The following SIRPB2 variants were observed in gnomAD, a reference collection of about 807,000 sequenced individuals.
The protein encoded by SIRPB2 is signal-regulatory protein beta-2.
SIRPB2 carries 18 observed loss-of-function variants against 27.1 expected under a neutral mutation model. The ratio of observed to expected loss-of-function variants is 0.66; its 90% CI spans 0.46 to 0.98. The LOEUF is 0.98. Among genes scored for constraint, SIRPB2 ranks in the 50% least tolerant of loss-of-function variants. The pLI, the probability that SIRPB2 is intolerant of heterozygous loss-of-function variation, is 0.00. For missense variants in SIRPB2, 420 were observed against 417.4 expected (o/e 1.01, Z -0.06); for synonymous variants, 150 against 164.6 (o/e 0.91, Z 0.68).
chr20:1,476,415 A>G, intron 4 of SIRPB2, 79 bp from the exon 5 acceptor site: 2 of 1,399,166 alleles, frequency 1.4e-6, no homozygotes, highest in South Asian at 1.4e-5. Context: ...GCCCATGGGC[A>G]AGGTCACATC....
chr20:1,471,648 G>A (rs900965672), downstream of SIRPB2, among the ~76,000 whole-genome samples: 2 of 152,194 alleles, frequency 1.3e-5, no homozygotes, highest in South Asian at 2.1e-4. Flanking sequence ...GGTGTGTCTT[G>A]TGGAGAGGAC....
Position 1,481,128 on chromosome 20 carries a change from T to G in SIRPB2, c.86-1063A>C, listed in dbSNP as rs115595325. On this transcript the variant is annotated intron_variant, in intron 1 of 4. Coordinates refer to ENST00000359801, the MANE Select transcript of SIRPB2 (RefSeq NM_001122962.2). ...TATTCCTTCTAAGAATTCTGTGAGG[T>G]AGATGCTGTTATAATCTCAATTTTA... Among the ~76,000 whole-genome samples the G allele has an allele frequency of 6.2e-3, 938 of 152,296 alleles. 16 individuals carry two copies. Among genetic ancestry groups the G allele is most frequent in the African/African-American group, 0.022 (910 of 41,558 alleles).
downstream of SIRPB2, chr20:1,473,707 G>A (rs1181536661): frequency 3.2e-5 from 12 of 374,870 alleles, no homozygotes; most frequent in Non-Finnish European, 5.9e-5. Flanking sequence ...AGGATCTGGG[G>A]AGATGAGGTC....
rs967083322 is a variant in SIRPB2, at chr20:1,491,416, A to G, written c.-57T>C. On this transcript the variant is annotated 5_prime_UTR_variant, in exon 1 of 5. Coordinates refer to ENST00000359801, the MANE Select transcript of SIRPB2 (RefSeq NM_001122962.2). The stretch of plus-strand genomic sequence containing the variant: ...TCCTCTGCTCTCTTGTGAGTGTTGG[A>G]GTCTGAGGCGGGGCCCGTGGACAAG... 2.0e-6 allele frequency: 3 copies of G among 1,518,120 alleles called. No individual in the cohort carries two copies. The highest frequency in any genetic ancestry group is 2.5e-5 in the East Asian group (1 of 40,714). 94.0% of individuals were successfully genotyped at this position (1,518,120 alleles called of 1,614,324 possible). A position where few individuals can be genotyped will look rare whatever the true frequency, so the allele number is the denominator to read the frequency against.
At chr20:1,478,669 C>T in intron 2 of SIRPB2, 62 bp from the exon 3 acceptor site, 1 of 1,360,862 alleles carries the variant, frequency 7.3e-7, no homozygotes, top group Non-Finnish European at 9.9e-7. Flanking sequence ...CACTCATTTC[C>T]TACCTGGTGT....
chr20:1,477,915 C>A lies in SIRPB2; in HGVS notation c.793+351G>T, dbSNP rs183857518. On this transcript the variant is annotated intron_variant, in intron 3 of 4. Coordinates refer to ENST00000359801, the MANE Select transcript of SIRPB2 (RefSeq NM_001122962.2). ...GTCTTGAACTCCTGACTCAGGTGAT[C>A]CACCTGCCTTGGCCTCCCAAAGTGC... 25 of 461,578 alleles carry A rather than the reference C, an allele frequency of 5.4e-5. No individual in the cohort carries two copies. In the East Asian group the frequency reaches 7.2e-4, roughly 13 times the overall value. The allele number at this position is 461,578 out of a possible 1,614,324, so 28.6% of individuals were successfully genotyped here.
At chr20:1,471,006 A>C (rs1361700628), downstream of SIRPB2, 2 of 152,252 alleles carry the variant, frequency 1.3e-5, no homozygotes. Flanking sequence ...CAGCCAGGTC[A>C]GCCCACTCCT....
chr20:1,490,220 T>C (rs2123064065), intron 1 of SIRPB2, among the ~76,000 whole-genome samples: 1 of 152,262 alleles, frequency 6.6e-6, no homozygotes, highest in Admixed American at 6.5e-5. Context: ...GAAATCAGCT[T>C]AGAGAATTGA....
At chr20:1,488,299 C>T (rs2090746175) in intron 1 of SIRPB2, among the ~76,000 whole-genome samples, 1 of 152,128 alleles carries the variant, frequency 6.6e-6, no homozygotes, top group Non-Finnish European at 1.5e-5. Context: ...AAAAAGGATG[C>T]ATGATGTAAA....
chr20:1,476,944 A>G, intron 4 of SIRPB2: 2 of 1,194,460 alleles, frequency 1.7e-6, no homozygotes. Context: ...TCATAGAGTC[A>G]GATACCAGAC....
Position 1,481,967 on chromosome 20 carries a change from T to A in SIRPB2, c.86-1902A>T, listed in dbSNP as rs78163656. On this transcript the variant is annotated intron_variant, in intron 1 of 4. Transcript: ENST00000359801. ...CCACCAGCCAAACTGGTAAAACCCATGATTGTCAGGGCACTGGGGAAAGTC... is the reference window on the plus strand; with the variant it reads ...CCACCAGCCAAACTGGTAAAACCCAAGATTGTCAGGGCACTGGGGAAAGTC... 5.6e-3 allele frequency among the ~76,000 whole-genome samples: 850 copies of A among 152,188 alleles called. 4 individuals are homozygous for A. Among genetic ancestry groups the A allele is most frequent in the Non-Finnish European group, 9.2e-3 (626 of 67,986 alleles).
At chr20:1,482,848 C>T (rs1431314892) in intron 1 of SIRPB2, among the ~76,000 whole-genome samples, 14 of 151,720 alleles carry the variant, frequency 9.2e-5, no homozygotes. Flanking sequence ...TTTATCAATT[C>T]ATCCATTGAT....
At chr20:1,491,241 G>A (rs567021993) in intron 1 of SIRPB2, 34 bp downstream of exon 1, 1 of 1,585,204 alleles carries the variant, frequency 6.3e-7, no homozygotes, top group East Asian at 2.3e-5. Context: ...GACCAGCCGG[G>A]GGTGGACCCT....
chr20:1,479,200 A>G (rs1373409680), intron 2 of SIRPB2: 2 of 166,666 alleles, frequency 1.2e-5, no homozygotes, highest in Non-Finnish European at 2.6e-5. Flanking sequence ...TATTCAGGTC[A>G]CCATAGGTGG....
At chr20:1,473,722 G>A (rs562322003), downstream of SIRPB2, 2 of 405,790 alleles carry the variant, frequency 4.9e-6, no homozygotes, top group South Asian at 3.4e-5. Context: ...GAGGTCAGAG[G>A]GGGTGGCAGG....
At chr20:1,486,364 T>G (rs1039167388) in intron 1 of SIRPB2, among the ~76,000 whole-genome samples, 1 of 152,162 alleles carries the variant, frequency 6.6e-6, no homozygotes, top group African/African-American at 2.4e-5. Flanking sequence ...TGAGTCACCA[T>G]GCCCAGCCAA....
chr20:1,479,602 T>C, intron 2 of SIRPB2, 98 bp downstream of exon 2: 4 of 1,524,996 alleles, frequency 2.6e-6, no homozygotes, highest in Non-Finnish European at 3.5e-6. Flanking sequence ...TGTATGCCAC[T>C]GAAATTTTGT....
chr20:1,484,692 TA>T (rs146412483), intron 1 of SIRPB2, among the ~76,000 whole-genome samples: 22,880 of 132,634 alleles, frequency 0.17, 1,753 homozygotes, highest in Non-Finnish European at 0.2. Flanking sequence ...AAGGCAACAA[TA>T]AAAAAAAAAA....
chr20:1,476,876 G>T, intron 4 of SIRPB2: 3 of 1,144,834 alleles, frequency 2.6e-6, no homozygotes, highest in Non-Finnish European at 3.3e-6. Context: ...TGATCTCCTT[G>T]AGTGCACACA....
Sources: allele counts gnomAD v4.1 joint callset (sites outside exome capture counted in the v4.1 genomes callset), GRCh38; gene constraint gnomAD v4.1.1; transcripts MANE v1.5; gene names NCBI Gene and HGNC (gene_info 2026-07-23, HGNC 2026-07-21).